Variants in DSCAM observed in about 807,000 individuals in gnomAD.
DSCAM encodes the protein cell adhesion molecule DSCAM.
Under a neutral mutation model 217.7 loss-of-function variants are expected in DSCAM, and 47 were observed. That is an observed-to-expected ratio of 0.22 (90% CI 0.17 to 0.28). DSCAM has a LOEUF of 0.28. DSCAM is among the 10% of genes least tolerant of loss of function. The probability of loss-of-function intolerance (pLI) is 1.00; values close to 1 mark genes in which losing one functional copy is unlikely to be tolerated. For missense variants in DSCAM, 2,080 were observed against 2,618.3 expected (o/e 0.79, Z 4.49); for synonymous variants, 1,056 against 1,015.3 (o/e 1.04, Z -0.76).
In DSCAM at chr21:40,359,971, C is replaced by A. The variant is rs1352906301; in HGVS notation, c.656-6228G>T. On this transcript the variant is annotated intron_variant, in intron 4 of 32. Coordinates refer to ENST00000400454, the MANE Select transcript of DSCAM (RefSeq NM_001389.5). ...CTCTCAACAAAACTGTTTTACGAAA[C>A]CTGAATGAGGTATTTATTTTTTTAT... Among the ~76,000 whole-genome samples the A allele has an allele frequency of 2.0e-5, 3 of 151,928 alleles. No individual in the cohort carries two copies. In the East Asian group the frequency reaches 5.8e-4, roughly 29 times the overall value.
intron 3 of DSCAM, among the ~76,000 whole-genome samples, chr21:40,558,291 C>CA (rs200049395): frequency 0.058 from 8,796 of 151,682 alleles, 369 homozygotes; most frequent in Middle Eastern, 0.092. Context: ...CTAAAAAATA[C>CA]AAAAAAATTA....
chr21:40,169,152 A>T (rs1227037419), intron 15 of DSCAM, among the ~76,000 whole-genome samples: 1 of 152,132 alleles, frequency 6.6e-6, no homozygotes, highest in Non-Finnish European at 1.5e-5. Context: ...AAAGGAACAA[A>T]TACCTCTGGG....
chr21:40,299,770 G>A (rs1199012028), intron 9 of DSCAM, among the ~76,000 whole-genome samples: 2 of 151,982 alleles, frequency 1.3e-5, no homozygotes, highest in Non-Finnish European at 2.9e-5. Context: ...TATCCCTAGG[G>A]ACAACAAAGT....
At chr21:40,218,038 A>G (rs114726434) in intron 11 of DSCAM, among the ~76,000 whole-genome samples, 7,392 of 152,120 alleles carry the variant, frequency 0.049, 296 homozygotes, top group African/African-American at 0.11. Context: ...CTTGTGTTGC[A>G]ATTGCTTTTG....
chr21:40,257,483 C>A (rs963169878), intron 11 of DSCAM, among the ~76,000 whole-genome samples: 1 of 127,874 alleles, frequency 7.8e-6, no homozygotes, highest in Non-Finnish European at 1.5e-5. Flanking sequence ...CACACACACA[C>A]ACACACACAC....
At chr21:40,689,746 A>C (rs2146444390) in intron 3 of DSCAM, among the ~76,000 whole-genome samples, 1 of 152,344 alleles carries the variant, frequency 6.6e-6, no homozygotes, top group South Asian at 2.1e-4. Flanking sequence ...GGCCATGCCA[A>C]GGAATAAATC....
intron 3 of DSCAM, among the ~76,000 whole-genome samples, chr21:40,494,867 C>A (rs1601689440): frequency 2.1e-5 from 3 of 143,070 alleles, no homozygotes; most frequent in Admixed American, 1.4e-4. Context: ...GTTAGCTAGA[C>A]TAAGAAAAAA....
At chr21:40,595,872 G>A (rs897445057) in intron 3 of DSCAM, among the ~76,000 whole-genome samples, 1 of 152,192 alleles carries the variant, frequency 6.6e-6, no homozygotes, top group African/African-American at 2.4e-5. Context: ...TAAAAGTTTT[G>A]ACCTGAATGA....
intron 1 of DSCAM, among the ~76,000 whole-genome samples, chr21:40,806,948 C>G (rs141516388): frequency 1.1e-4 from 16 of 151,576 alleles, no homozygotes; most frequent in Non-Finnish European, 2.4e-4. Context: ...CATCACACAC[C>G]GGGGCCTATC....
intron 11 of DSCAM, among the ~76,000 whole-genome samples, chr21:40,201,143 GACA>G (rs1034845177): frequency 1.3e-5 from 2 of 152,126 alleles, no homozygotes; most frequent in African/African-American, 2.4e-5. Flanking sequence ...GAACAAGAAT[GACA>G]ACATCTCCAC....
chr21:40,728,027 G>A (rs1402389206), intron 1 of DSCAM, among the ~76,000 whole-genome samples: 1 of 152,006 alleles, frequency 6.6e-6, no homozygotes, highest in Non-Finnish European at 1.5e-5. Context: ...TGGCTGTGCC[G>A]TCTCCCCCTC....
intron 4 of DSCAM, among the ~76,000 whole-genome samples, chr21:40,365,730 C>A (rs1175302059): frequency 6.6e-6 from 1 of 152,142 alleles, no homozygotes; most frequent in Non-Finnish European, 1.5e-5. Context: ...GTCCTCAATA[C>A]CAAACTCACT....
At chr21:40,315,529 GAAGT>G (rs1184471662) in intron 8 of DSCAM, among the ~76,000 whole-genome samples, 5 of 152,140 alleles carry the variant, frequency 3.3e-5, no homozygotes, top group Non-Finnish European at 7.3e-5. Context: ...TTCAAGAACA[GAAGT>G]AAGAGGTAGC....
intron 3 of DSCAM, among the ~76,000 whole-genome samples, chr21:40,392,926 T>C (rs2075146921): frequency 1.3e-5 from 2 of 152,080 alleles, no homozygotes; most frequent in Admixed American, 1.3e-4. Context: ...ATAATAAAAT[T>C]TACAATTCAA....
intron 1 of DSCAM, among the ~76,000 whole-genome samples, chr21:40,830,671 G>A (rs560602228): frequency 4.6e-5 from 7 of 152,212 alleles, no homozygotes; most frequent in Non-Finnish European, 8.8e-5. Flanking sequence ...TTGAATTTCC[G>A]CAAGTGTAAA....
At position 40,400,096 on chromosome 21, in the gene DSCAM, G is replaced by A. The variant is rs557668908; in HGVS notation, c.509-30851C>T. Among the ~76,000 whole-genome samples, 8 of 152,190 alleles carry A rather than the reference G, an allele frequency of 5.3e-5. No homozygotes were observed. The East Asian group carries it at 5.8e-4, about 11-fold the overall frequency. On this transcript the variant is annotated intron_variant, in intron 3 of 32. Transcript: ENST00000400454. The stretch of plus-strand genomic sequence containing the variant: ...CAGACTCAACCTTTCTCCCTGTTCC[G>A]GGAGCACCTTCCTCCCGTGCAGCAG...
intron 2 of DSCAM, among the ~76,000 whole-genome samples, chr21:40,694,874 T>C (rs1052673651): frequency 6.6e-6 from 1 of 151,994 alleles, no homozygotes; most frequent in South Asian, 2.1e-4. Flanking sequence ...ACTATGAAGA[T>C]ATAGGCAAAC....
At chr21:40,419,701 T>C (rs1217462087) in intron 3 of DSCAM, among the ~76,000 whole-genome samples, 1 of 152,154 alleles carries the variant, frequency 6.6e-6, no homozygotes, top group Non-Finnish European at 1.5e-5. Context: ...TAACTTAATC[T>C]CAGCTAAACA....
chr21:40,748,499 A>C (rs987163901), intron 1 of DSCAM, among the ~76,000 whole-genome samples: 4 of 152,064 alleles, frequency 2.6e-5, no homozygotes, highest in African/African-American at 4.8e-5. Context: ...ACAAGGTATA[A>C]ATAAAATGCC....
Sources: allele counts gnomAD v4.1 joint callset (sites outside exome capture counted in the v4.1 genomes callset), GRCh38; gene constraint gnomAD v4.1.1; transcripts MANE v1.5; gene names NCBI Gene and HGNC (gene_info 2026-07-23, HGNC 2026-07-21).